TAMM41: variants seen among roughly 807,000 people sequenced by gnomAD.
TAMM41 encodes the protein phosphatidate cytidylyltransferase, mitochondrial.
In TAMM41, 36 loss-of-function variants were observed where a neutral mutation model predicts 44.1. The observed-to-expected ratio is 0.82, with a 90% CI of 0.63 to 1.08. TAMM41 has a LOEUF of 1.08. TAMM41 is among the 50% of genes least tolerant of loss of function. The pLI is 0.00. For synonymous variants in TAMM41, 164 were observed against 153.1 expected (o/e 1.07, Z -0.53); for missense variants, 417 against 404.3 (o/e 1.03, Z -0.27).
chr3:11,750,315 A>T, the TAMM41 span, among the ~76,000 whole-genome samples: 1 of 150,766 alleles, frequency 6.6e-6, no homozygotes, highest in Middle Eastern at 3.6e-3. Flanking sequence ...TCAGGTTCTA[A>T]CCATTGAGGG....
At chr3:11,788,323 T>A (rs1247585124), downstream of TAMM41, among the ~76,000 whole-genome samples, 1 of 152,172 alleles carries the variant, frequency 6.6e-6, no homozygotes, top group Non-Finnish European at 1.5e-5. Context: ...CAGTGGAGAA[T>A]CCATTTTGTC....
the TAMM41 span, among the ~76,000 whole-genome samples, chr3:11,742,894 C>T: frequency 3.3e-5 from 5 of 152,082 alleles, no homozygotes; most frequent in East Asian, 1.9e-4. Context: ...CTGTGCTCAG[C>T]GACCCAGTGC....
the TAMM41 span, among the ~76,000 whole-genome samples, chr3:11,768,420 G>A: frequency 2.6e-5 from 4 of 152,194 alleles, no homozygotes; most frequent in Non-Finnish European, 5.9e-5. Context: ...TTACAGGCGT[G>A]AGCCACTGCA....
the TAMM41 span, among the ~76,000 whole-genome samples, chr3:11,765,490 T>TA: frequency 6.6e-6 from 1 of 152,170 alleles, no homozygotes; most frequent in Non-Finnish European, 1.5e-5. Flanking sequence ...GCCACAGAGC[T>TA]ACAAGCGTAA....
chr3:11,807,485 G>C (rs1293950108), intron 7 of TAMM41: 9 of 1,535,984 alleles, frequency 5.9e-6, no homozygotes, highest in South Asian at 4.8e-5. Flanking sequence ...CTCAGAGAAG[G>C]GGAAGAGGAG....
chr3:11,839,167 G>C, intron 3 of TAMM41, 55 bp downstream of exon 3: 1 of 1,120,078 alleles, frequency 8.9e-7, no homozygotes, highest in Non-Finnish European at 1.3e-6. Context: ...ATCAAAGTAA[G>C]GTTAGGCTCA....
At chr3:11,729,534 CTTTCATTTTTTTTTTTTT>C in the TAMM41 span, among the ~76,000 whole-genome samples, 1 of 43,064 alleles carries the variant, frequency 2.3e-5, no homozygotes. Context: ...TCTTTTCTTT[CTTTCATTTTTTTTTTTTT>C]TTTTTTTTTT....
chr3:11,744,454 G>T, the TAMM41 span, among the ~76,000 whole-genome samples: 1 of 151,996 alleles, frequency 6.6e-6, no homozygotes, highest in Non-Finnish European at 1.5e-5. Context: ...TGCACTTTGT[G>T]GGGGCCAAGG....
the TAMM41 span, among the ~76,000 whole-genome samples, chr3:11,772,065 C>CTTTTTCTT: frequency 6.7e-6 from 1 of 149,812 alleles, no homozygotes; most frequent in East Asian, 2.0e-4. Flanking sequence ...GTCTGTTTTT[C>CTTTTTCTT]TTTTTCTTTT....
chr3:11,741,882 G>C, the TAMM41 span, among the ~76,000 whole-genome samples: 5 of 150,006 alleles, frequency 3.3e-5, no homozygotes, highest in Non-Finnish European at 7.3e-5. Flanking sequence ...GGATAACCCA[G>C]ATGGCTGCTA....
the TAMM41 span, among the ~76,000 whole-genome samples, chr3:11,727,022 A>G: frequency 6.6e-6 from 1 of 152,124 alleles, no homozygotes; most frequent in African/African-American, 2.4e-5. Flanking sequence ...AGAATAAGAA[A>G]TAATCTAAAA....
the TAMM41 span, among the ~76,000 whole-genome samples, chr3:11,769,203 C>A: frequency 6.6e-6 from 1 of 152,170 alleles, no homozygotes; most frequent in Non-Finnish European, 1.5e-5. Flanking sequence ...GATTCTCCTG[C>A]GTCAGCCTCC....
the TAMM41 span, among the ~76,000 whole-genome samples, chr3:11,746,833 A>G: frequency 2.0e-5 from 3 of 147,630 alleles, no homozygotes; most frequent in African/African-American, 8.0e-5. Context: ...ACAGGGTCTC[A>G]GTATGTTGCC....
At chr3:11,744,160 T>C in the TAMM41 span, among the ~76,000 whole-genome samples, 1 of 151,348 alleles carries the variant, frequency 6.6e-6, no homozygotes. Context: ...CTCCGCCTCC[T>C]GGGTTCAAGT....
chr3:11,809,929 G>T (rs577885776), intron 5 of TAMM41: 1 of 361,762 alleles, frequency 2.8e-6, no homozygotes, highest in Non-Finnish European at 4.9e-6. Context: ...AAGAATAGAA[G>T]CCACTCTCAA....
intron 6 of TAMM41, chr3:11,809,052 A>G (rs2078007100): frequency 9.1e-6 from 2 of 219,204 alleles, no homozygotes; most frequent in South Asian, 1.4e-4. Context: ...ACATCAGGGC[A>G]GTGCTGGGGA....
intron 4 of TAMM41, 99 bp downstream of exon 4, chr3:11,829,615 A>T: frequency 7.2e-7 from 1 of 1,386,506 alleles, no homozygotes; most frequent in Non-Finnish European, 1.0e-6. Context: ...TTTACAACTA[A>T]GACTGTAGCA....
At chr3:11,748,100 C>A in the TAMM41 span, among the ~76,000 whole-genome samples, 2 of 151,690 alleles carry the variant, frequency 1.3e-5, no homozygotes, top group African/African-American at 2.4e-5. Flanking sequence ...GTCTCAAACT[C>A]CTGGACTCAA....
At chr3:11,805,411 A>T (rs1353953338) in intron 7 of TAMM41, among the ~76,000 whole-genome samples, 1 of 152,138 alleles carries the variant, frequency 6.6e-6, no homozygotes, top group Non-Finnish European at 1.5e-5. Context: ...TGCTGGGATT[A>T]TAGGTGTGAG....
Sources: gnomAD v4.1 joint callset for allele counts (sites outside exome capture counted in the v4.1 genomes callset) on GRCh38, gnomAD v4.1.1 for gene constraint, MANE v1.5 for transcripts, NCBI Gene and HGNC (gene_info 2026-07-23, HGNC 2026-07-21) for gene names.